Variants in N4BP2L2 observed in about 807,000 individuals in gnomAD.
N4BP2L2 encodes the protein NEDD4-binding protein 2-like 2.
In N4BP2L2, 50 loss-of-function variants were observed where a neutral mutation model predicts 56.2. The ratio of observed to expected loss-of-function variants is 0.89; its 90% CI spans 0.71 to 1.13. N4BP2L2 has a LOEUF of 1.13. Ranked by LOEUF, N4BP2L2 falls within the 50% of genes most tolerant of loss-of-function variation. N4BP2L2 has a pLI of 0.00. For synonymous variants in N4BP2L2, 203 were observed against 223.6 expected, an observed-to-expected ratio of 0.91 and a Z score of 0.82; for missense variants, 689 against 693.8, an observed-to-expected ratio of 0.99 and a Z score of 0.08.
exon 7 of N4BP2L2, chr13:32,443,295 G>A (rs1296522711): frequency 6.2e-7 from 1 of 1,613,956 alleles, no homozygotes; most frequent in South Asian, 1.1e-5. Context: ...ATTGCCCCCT[G>A]CTGTCAGGAC....
downstream of N4BP2L2, chr13:32,506,005 A>T (rs2090884665): frequency 6.6e-6 from 1 of 152,186 alleles, no homozygotes; most frequent in Non-Finnish European, 1.5e-5. Context: ...CACTTTCCCA[A>T]TACCAAAATC....
chr13:32,519,844 G>A (rs1242278876), intron 5 of N4BP2L2, among the ~76,000 whole-genome samples: 2 of 152,006 alleles, frequency 1.3e-5, no homozygotes, highest in Admixed American at 1.3e-4. Context: ...TTATATAAAG[G>A]TAAATTTATA....
intron 6 of N4BP2L2, among the ~76,000 whole-genome samples, chr13:32,472,612 C>T (rs187432752): frequency 2.0e-4 from 30 of 152,276 alleles, no homozygotes; most frequent in African/African-American, 7.2e-4. Flanking sequence ...GCCTAGAGCT[C>T]GGCCTCAAAT....
chr13:32,522,503 C>T (rs2051269283), intron 3 of N4BP2L2: 2 of 301,884 alleles, frequency 6.6e-6, no homozygotes, highest in Non-Finnish European at 5.9e-6. Flanking sequence ...GACAAACTGG[C>T]TCTGAAAGGC....
intron 6 of N4BP2L2, among the ~76,000 whole-genome samples, chr13:32,501,386 A>G (rs2089969263): frequency 1.3e-5 from 2 of 152,156 alleles, no homozygotes; most frequent in African/African-American, 4.8e-5. Flanking sequence ...AGAGAGGAGA[A>G]AAAGACTTGC....
chr13:32,502,355 G>A (rs907047001), intron 6 of N4BP2L2, among the ~76,000 whole-genome samples: 1 of 152,116 alleles, frequency 6.6e-6, no homozygotes, highest in Non-Finnish European at 1.5e-5. Context: ...GGGATTACAG[G>A]TGTGAGCCCA....
At position 32,443,002 on chromosome 13, in the gene N4BP2L2, C is replaced by CTT; in HGVS notation, c.1488_1489dup (p.Arg497LysfsTer8). On this transcript the variant is annotated frameshift_variant, in exon 7 of 10. Coordinates refer to the N4BP2L2 transcript ENST00000357505. LOFTEE classifies it high-confidence loss of function. ...TTTTGTTAACAGGTCACATTTCTCC[C>CTT]TTTCTTTTACACCGATACGACTCTG... is the stretch of plus-strand genomic sequence containing the variant. 1 of 1,613,678 alleles carries CTT rather than the reference C, an allele frequency of 6.2e-7. No homozygotes were observed. Among genetic ancestry groups the CTT allele is most frequent in the Non-Finnish European group, 8.5e-7 (1 of 1,179,832 alleles).
chr13:32,515,486 G>GATTT (rs774282662), exon 6 of N4BP2L2: 4 of 152,204 alleles, frequency 2.6e-5, no homozygotes, highest in Non-Finnish European at 5.9e-5. Flanking sequence ...GCCTCAGTAA[G>GATTT]ATTTATTTAT....
At chr13:32,448,711 T>G (rs1455488585) in intron 6 of N4BP2L2, among the ~76,000 whole-genome samples, 1 of 152,022 alleles carries the variant, frequency 6.6e-6, no homozygotes, top group Admixed American at 6.6e-5. Context: ...ATAACCCTCA[T>G]GAAAAAATAT....
At chr13:32,524,754 A>ACTAG (rs1337559008) in intron 3 of N4BP2L2, 1 of 148,324 alleles carries the variant, frequency 6.7e-6, no homozygotes, top group Non-Finnish European at 1.5e-5. Flanking sequence ...AATATTCTGT[A>ACTAG]CTAGTTTGTT....
At chr13:32,436,494 C>T (rs1469880819) in intron 8 of N4BP2L2, 1 of 544,346 alleles carries the variant, frequency 1.8e-6, no homozygotes, top group African/African-American at 2.0e-5. Flanking sequence ...AGGGACACTC[C>T]TAAAATGACA....
intron 3 of N4BP2L2, chr13:32,523,906 A>G (rs1380204753): frequency 6.6e-6 from 1 of 152,066 alleles, no homozygotes; most frequent in Non-Finnish European, 1.5e-5. Flanking sequence ...ACAAATAACC[A>G]CTAAAGAACC....
intron 6 of N4BP2L2, among the ~76,000 whole-genome samples, chr13:32,490,551 C>T (rs1037276568): frequency 1.3e-5 from 2 of 152,140 alleles, no homozygotes; most frequent in African/African-American, 4.8e-5. Context: ...GTGATCCACC[C>T]GCCCCAGCCT....
At chr13:32,468,650 G>A (rs749844406) in intron 6 of N4BP2L2, among the ~76,000 whole-genome samples, 1 of 152,178 alleles carries the variant, frequency 6.6e-6, no homozygotes, top group Non-Finnish European at 1.5e-5. Flanking sequence ...GGACATCTGG[G>A]ACAGAGTGAC....
chr13:32,509,241 T>C (rs1163783986), downstream of N4BP2L2: 3 of 152,296 alleles, frequency 2.0e-5, no homozygotes, highest in East Asian at 5.8e-4. Context: ...TGAGCATTGA[T>C]TGACATGATG....
chr13:32,434,248 CTTTTTTTCTT>C (rs1257501792), intron 9 of N4BP2L2, among the ~76,000 whole-genome samples: 1 of 112,038 alleles, frequency 8.9e-6, no homozygotes, highest in Non-Finnish European at 1.8e-5. Flanking sequence ...AGCTAATTTT[CTTTTTTTCTT>C]TTTTTTTTTT....
intron 6 of N4BP2L2, among the ~76,000 whole-genome samples, chr13:32,454,292 T>C (rs2078587800): frequency 6.6e-6 from 1 of 152,150 alleles, no homozygotes; most frequent in South Asian, 2.1e-4. Flanking sequence ...GAAACGTCTG[T>C]TGAATCACTA....
intron 3 of N4BP2L2, 84 bp from the exon 4 acceptor site, chr13:32,522,354 A>T (rs2051217526): frequency 1.1e-6 from 1 of 904,848 alleles, no homozygotes; most frequent in Non-Finnish European, 1.6e-6. Flanking sequence ...TAAGAAATGT[A>T]CTACGTCTCT....
rs2075432409 is a variant in N4BP2L2 at position 32,436,047 on chromosome 13, C to T, written c.*21+314G>A. 2.0e-5 allele frequency among the ~76,000 whole-genome samples: 3 copies of T among 152,112 alleles called. No homozygotes were observed. The South Asian group carries it at 6.2e-4, about 32-fold the overall frequency. On this transcript the variant is annotated intron_variant, in intron 9 of 9. Coordinates refer to the N4BP2L2 transcript ENST00000357505. ...CTAATTCCCAGCCCTCATCACATAC[C>T]AACCCAAGGGGGGAAATGTCTCATA...
Sources: gnomAD v4.1 joint callset for allele counts (sites outside exome capture counted in the v4.1 genomes callset) on GRCh38, gnomAD v4.1.1 for gene constraint, MANE v1.5 for transcripts, NCBI Gene and HGNC (gene_info 2026-07-23, HGNC 2026-07-21) for gene names.